Variants in CADM2 observed in about 807,000 individuals in gnomAD.
The protein encoded by CADM2 is immunoglobulin superfamily member 4D.
A neutral mutation model predicts 49.8 loss-of-function variants in CADM2; 12 were observed. The observed-to-expected ratio is 0.24, with a 90% CI of 0.15 to 0.39. The LOEUF is 0.39. Ranked by LOEUF, CADM2 falls within the 10% of genes least tolerant of loss-of-function variation. The pLI is 1.00. For synonymous variants in CADM2, 214 were observed against 175.4 expected (o/e 1.22, Z -1.74); for missense variants, 378 against 492.3 (o/e 0.77, Z 2.20).
At chr3:85,368,469 G>A (rs1489612614) in intron 1 of CADM2, among the ~76,000 whole-genome samples, 1 of 151,476 alleles carries the variant, frequency 6.6e-6, no homozygotes, top group Non-Finnish European at 1.5e-5. Context: ...TGGTATCAGA[G>A]AGAGGAGATG....
intron 4 of CADM2, among the ~76,000 whole-genome samples, chr3:85,884,979 A>G (rs62261744): frequency 0.32 from 47,358 of 149,860 alleles, 8,642 homozygotes; most frequent in East Asian, 0.42. Flanking sequence ...CGGCCTCCCA[A>G]AGTGTTGGGA....
At chr3:85,695,345 CATCT>C (rs1559597893) in intron 1 of CADM2, among the ~76,000 whole-genome samples, 1 of 152,020 alleles carries the variant, frequency 6.6e-6, no homozygotes, top group East Asian at 1.9e-4. Flanking sequence ...CTTCTTCCCC[CATCT>C]GAGTCTCCAA....
intron 1 of CADM2, among the ~76,000 whole-genome samples, chr3:85,304,266 A>G (rs1169019245): frequency 6.6e-6 from 1 of 151,822 alleles, no homozygotes; most frequent in African/African-American, 2.4e-5. Flanking sequence ...GTACTCCTTC[A>G]TGTAATCAAG....
intron 1 of CADM2, among the ~76,000 whole-genome samples, chr3:85,570,906 T>C (rs2062456746): frequency 1.3e-5 from 2 of 152,330 alleles, no homozygotes; most frequent in African/African-American, 2.4e-5. Flanking sequence ...TAAGAACCGC[T>C]GCTCAGAAAA....
intron 8 of CADM2, among the ~76,000 whole-genome samples, chr3:85,982,257 A>G (rs1248748588): frequency 5.3e-5 from 8 of 151,600 alleles, no homozygotes; most frequent in African/African-American, 9.7e-5. Context: ...ATGTTTTTGT[A>G]AACTTTACAC....
chr3:84,992,704 AG>A (rs2032961018), intron 1 of CADM2, among the ~76,000 whole-genome samples: 1 of 152,174 alleles, frequency 6.6e-6, no homozygotes, highest in Admixed American at 6.5e-5. Context: ...TGGGACTCTT[AG>A]TACCTCAAAT....
intron 1 of CADM2, among the ~76,000 whole-genome samples, chr3:85,589,367 G>A (rs2063038759): frequency 6.6e-6 from 1 of 151,950 alleles, no homozygotes; most frequent in Admixed American, 6.6e-5. Flanking sequence ...CCAGAGAGAA[G>A]TCGTGGTCCA....
intron 1 of CADM2, among the ~76,000 whole-genome samples, chr3:85,658,608 A>ATATC (rs2065289410): frequency 7.1e-6 from 1 of 140,652 alleles, no homozygotes; most frequent in Non-Finnish European, 1.5e-5. Context: ...ATATATATAT[A>ATATC]TATATATATA....
At position 85,050,190 on chromosome 3, in the gene CADM2, C is replaced by T. The variant is rs1334579314; in HGVS notation, c.61+90522C>T. 2.6e-5 allele frequency among the ~76,000 whole-genome samples: 4 copies of T among 152,132 alleles called. No homozygotes were observed. In the East Asian group the frequency reaches 5.8e-4, roughly 22 times the overall value. On this transcript the variant is annotated intron_variant, in intron 1 of 9. Transcript: ENST00000383699. ...CCAGGAAGCCACTGGTCTCCAATAACTCCTGTAGGAATTCAGAGGCTGCTT... is the reference window on the plus strand; with the variant it reads ...CCAGGAAGCCACTGGTCTCCAATAATTCCTGTAGGAATTCAGAGGCTGCTT...
At chr3:86,030,529 A>G (rs368473125) in intron 8 of CADM2, among the ~76,000 whole-genome samples, 2 of 152,116 alleles carry the variant, frequency 1.3e-5, no homozygotes, top group African/African-American at 4.8e-5. Flanking sequence ...TGTCCATATC[A>G]CAGAATGTGG....
intron 1 of CADM2, among the ~76,000 whole-genome samples, chr3:85,041,725 G>A (rs1302697373): frequency 6.6e-6 from 1 of 152,156 alleles, no homozygotes; most frequent in Non-Finnish European, 1.5e-5. Context: ...TTTATCCCCA[G>A]AGAGAAATTA....
intron 1 of CADM2, among the ~76,000 whole-genome samples, chr3:85,680,529 C>A (rs2066010808): frequency 6.6e-6 from 1 of 152,044 alleles, no homozygotes; most frequent in African/African-American, 2.4e-5. Flanking sequence ...CATATCTTGG[C>A]AGCTTTATGT....
At chr3:85,544,079 A>T (rs2061608598) in intron 1 of CADM2, among the ~76,000 whole-genome samples, 1 of 152,200 alleles carries the variant, frequency 6.6e-6, no homozygotes, top group East Asian at 1.9e-4. Context: ...TTAAATGATT[A>T]ATAATAAAAC....
intron 1 of CADM2, among the ~76,000 whole-genome samples, chr3:85,038,561 G>T (rs2035310734): frequency 6.6e-6 from 1 of 152,166 alleles, no homozygotes; most frequent in Non-Finnish European, 1.5e-5. Context: ...AAGCCCAATA[G>T]GTGGCTTTGA....
intron 1 of CADM2, among the ~76,000 whole-genome samples, chr3:85,218,451 G>A (rs2041978530): frequency 6.6e-6 from 1 of 151,994 alleles, no homozygotes; most frequent in South Asian, 2.1e-4. Context: ...TGCTCCAGGC[G>A]GCCTTTAGAG....
intron 1 of CADM2, among the ~76,000 whole-genome samples, chr3:85,613,234 AC>A (rs1468312219): frequency 2.0e-5 from 3 of 151,678 alleles, no homozygotes; most frequent in East Asian, 1.9e-4. Context: ...ATCTATCTAA[AC>A]TTTTATTTTA....
At chr3:85,577,369 G>A (rs2062662391) in intron 1 of CADM2, among the ~76,000 whole-genome samples, 1 of 152,136 alleles carries the variant, frequency 6.6e-6, no homozygotes, top group Admixed American at 6.5e-5. Flanking sequence ...GAGTGAGTTA[G>A]TTCTAGAGAG....
intron 1 of CADM2, among the ~76,000 whole-genome samples, chr3:85,333,673 T>C (rs1329600839): frequency 6.6e-6 from 1 of 151,860 alleles, no homozygotes; most frequent in African/African-American, 2.4e-5. Context: ...TAAAATAGTT[T>C]TCACATGGCC....
chr3:85,623,731 G>T (rs1230859753), intron 1 of CADM2, among the ~76,000 whole-genome samples: 1 of 152,092 alleles, frequency 6.6e-6, no homozygotes, highest in Non-Finnish European at 1.5e-5. Flanking sequence ...AGCATTGGTC[G>T]CTGAGTAAAT....
Sources: gnomAD v4.1 joint callset for allele counts (sites outside exome capture counted in the v4.1 genomes callset) on GRCh38, gnomAD v4.1.1 for gene constraint, MANE v1.5 for transcripts, NCBI Gene and HGNC (gene_info 2026-07-23, HGNC 2026-07-21) for gene names.